The following CDH22 variants were observed in gnomAD, a reference collection of about 807,000 sequenced individuals.
The protein encoded by CDH22 is cadherin-22.
CDH22 carries 30 observed loss-of-function variants against 58.4 expected under a neutral mutation model. That is an observed-to-expected ratio of 0.51 (90% confidence interval 0.38 to 0.70). The LOEUF is 0.70. CDH22 is among the 30% of genes least tolerant of loss of function. The probability of loss-of-function intolerance (pLI) is 0.00; values close to 1 mark genes in which losing one functional copy is unlikely to be tolerated. For synonymous variants in CDH22, 513 were observed against 558.2 expected, an observed-to-expected ratio of 0.92 and a Z score of 1.14; for missense variants, 1,014 against 1,233.9, an observed-to-expected ratio of 0.82 and a Z score of 2.67.
chr20:46,227,531 T>C lies in CDH22; in HGVS notation c.647A>G (p.His216Arg), dbSNP rs1352390706. ...LVYSVLDGEH[H>R]FTVDPKTGVI... ...ACCGGTCTTGGGGTCCACGGTGAAGTGGTGCTCGCCGTCCAGCACGCTGTA... is the reference window on the plus strand; with the variant it reads ...ACCGGTCTTGGGGTCCACGGTGAAGCGGTGCTCGCCGTCCAGCACGCTGTA... The change falls in exon 4 of 12, where the codon CAC becomes CGC. Residue 216 changes from histidine to arginine, a missense_variant. This residue lies in a region of CDH22 where 806 missense variants were observed against 1,038.7 expected (regional missense o/e 0.78). Coordinates refer to ENST00000537909, the MANE Select transcript of CDH22 (RefSeq NM_021248.3). The C allele has an allele frequency of 1.2e-6, 2 of 1,601,212 alleles. No homozygotes were observed. The highest frequency in any genetic ancestry group is 1.1e-5 in the South Asian group (1 of 90,254).
At chr20:46,191,536 A>G (rs2085862039) in intron 8 of CDH22, among the ~76,000 whole-genome samples, 1 of 152,144 alleles carries the variant, frequency 6.6e-6, no homozygotes, top group Non-Finnish European at 1.5e-5. Context: ...ACAAACACAC[A>G]TTAAGTACAT....
intron 1 of CDH22, among the ~76,000 whole-genome samples, chr20:46,265,050 C>T (rs949406949): frequency 2.0e-5 from 3 of 152,034 alleles, no homozygotes; most frequent in Admixed American, 1.3e-4. Flanking sequence ...GCCCGTGTGC[C>T]GGTGCCACCG....
intron 4 of CDH22, among the ~76,000 whole-genome samples, chr20:46,225,451 G>A (rs1193217753): frequency 6.6e-6 from 1 of 152,132 alleles, no homozygotes; most frequent in Non-Finnish European, 1.5e-5. Flanking sequence ...AAAAAGGCAA[G>A]CCGTGTGTAT....
chr20:46,191,693 G>A (rs1015319881), intron 8 of CDH22, among the ~76,000 whole-genome samples: 1 of 152,164 alleles, frequency 6.6e-6, no homozygotes, highest in Non-Finnish European at 1.5e-5. Flanking sequence ...GCTGGGACTC[G>A]AACCTGGGTC....
intron 8 of CDH22, among the ~76,000 whole-genome samples, chr20:46,188,446 G>C (rs765323313): frequency 6.6e-6 from 1 of 152,156 alleles, no homozygotes; most frequent in Non-Finnish European, 1.5e-5. Context: ...GCATGTGAGA[G>C]TTATTTATAT....
At chr20:46,195,362 A>G (rs2085891653) in intron 8 of CDH22, among the ~76,000 whole-genome samples, 1 of 152,214 alleles carries the variant, frequency 6.6e-6, no homozygotes, top group Non-Finnish European at 1.5e-5. Context: ...GAATACTCAC[A>G]CAGACCCATC....
At chr20:46,250,914 G>C (rs918016420) in intron 2 of CDH22, 126 bp downstream of exon 2, 3 of 625,222 alleles carry the variant, frequency 4.8e-6, no homozygotes, top group Non-Finnish European at 8.5e-6. Context: ...TCAGTCCTTG[G>C]CTAGGGAGCA....
chr20:46,259,659 C>CTG (rs1435252264), intron 1 of CDH22, among the ~76,000 whole-genome samples: 2 of 152,142 alleles, frequency 1.3e-5, no homozygotes, highest in Non-Finnish European at 2.9e-5. Flanking sequence ...GGAGGGCTGC[C>CTG]TGGAGGAGGG....
chr20:46,199,672 A>G, intron 7 of CDH22, 113 bp from the exon 8 acceptor site: 1 of 1,318,106 alleles, frequency 7.6e-7, no homozygotes, highest in Non-Finnish European at 1.0e-6. Flanking sequence ...GACACACACA[A>G]GGGGCAGAGA....
At chr20:46,184,422 C>T (rs1007865662) in intron 10 of CDH22, among the ~76,000 whole-genome samples, 3 of 152,144 alleles carry the variant, frequency 2.0e-5, no homozygotes, top group Non-Finnish European at 4.4e-5. Context: ...TTTCATTGAA[C>T]ACATTTTATC....
At chr20:46,299,161 T>A (rs2086640521) in intron 1 of CDH22, among the ~76,000 whole-genome samples, 1 of 152,200 alleles carries the variant, frequency 6.6e-6, no homozygotes, top group Non-Finnish European at 1.5e-5. Flanking sequence ...GTCCTCTCTG[T>A]CTTTCCTCCC....
chr20:46,241,057 C>T lies in CDH22; in HGVS notation c.456G>A (p.Ser152=), dbSNP rs371329868. The change falls in exon 3 of 12, where the codon TCG becomes TCA. Residue 152 remains serine, a synonymous_variant. Transcript: ENST00000537909. The surrounding 1 kb of genome is among the most constrained non-coding windows in gnomAD (Gnocchi z 5.2). ...TGTCCTGCACCTTGATGATGAACTC[C>T]GACTCGGGCTCCAGTAGGCGGTTGG... ...RATNRLLEPE[S]EFIIKVQDIN... The T allele has an allele frequency of 5.6e-5, 90 of 1,614,056 alleles. 1 individual carries two copies. The highest frequency in any genetic ancestry group is 7.0e-5 in the Non-Finnish European group (83 of 1,180,042).
chr20:46,272,661 A>C (rs916397037), intron 1 of CDH22, among the ~76,000 whole-genome samples: 1 of 152,220 alleles, frequency 6.6e-6, no homozygotes, highest in Non-Finnish European at 1.5e-5. Flanking sequence ...GCTGTTGAGA[A>C]GCAAAGTAAA....
At chr20:46,266,413 T>G (rs955431919) in intron 1 of CDH22, among the ~76,000 whole-genome samples, 2 of 152,160 alleles carry the variant, frequency 1.3e-5, no homozygotes, top group Non-Finnish European at 2.9e-5. Context: ...GTGCCTAGCA[T>G]TGTGTCTCAC....
intron 1 of CDH22, among the ~76,000 whole-genome samples, chr20:46,303,978 G>A (rs1001432957): frequency 2.6e-5 from 4 of 152,138 alleles, no homozygotes; most frequent in Admixed American, 1.3e-4. Flanking sequence ...GAACCAGTGA[G>A]GTCTGAGCTG....
rs1339968539 is a variant in CDH22 at position 46,308,124 on chromosome 20, C to T, written c.-400+131G>A. ...CCGGGCGCAGGCACCCCGGCTCCTC[C>T]TGCGGCTGGAGGCTCGCCCCCCGCG... On this transcript the variant is annotated intron_variant, in intron 1 of 11. Coordinates refer to ENST00000537909, the MANE Select transcript of CDH22 (RefSeq NM_021248.3). This position sits in a 1 kb window ranked among gnomAD's most constrained non-coding sequence, Gnocchi z 4.3. 1 of 151,186 alleles carries T rather than the reference C, an allele frequency of 6.6e-6. No individual in the cohort carries two copies. The highest frequency in any genetic ancestry group is 1.5e-5 in the Non-Finnish European group (1 of 67,688). The allele number at this position is 151,186 out of a possible 1,614,324, so 9.4% of individuals were successfully genotyped here. A position where few individuals can be genotyped will look rare whatever the true frequency, so the allele number is the denominator to read the frequency against.
chr20:46,262,697 C>A (rs1600720409), intron 1 of CDH22, among the ~76,000 whole-genome samples: 2 of 152,296 alleles, frequency 1.3e-5, no homozygotes, highest in Non-Finnish European at 2.9e-5. Flanking sequence ...GGTCACACAA[C>A]TGATATGTTG....
intron 1 of CDH22, among the ~76,000 whole-genome samples, chr20:46,297,796 GGTT>G (rs200940782): frequency 0.018 from 2,715 of 152,024 alleles, 34 homozygotes; most frequent in Middle Eastern, 0.044. Flanking sequence ...CTTCCTCCAA[GGTT>G]GTTTTGGGGA....
At chr20:46,272,422 A>G (rs1261347332) in intron 1 of CDH22, among the ~76,000 whole-genome samples, 2 of 152,220 alleles carry the variant, frequency 1.3e-5, no homozygotes, top group Non-Finnish European at 2.9e-5. Flanking sequence ...ATAAATCTGT[A>G]ATTCATCAGC....
Sources: allele counts gnomAD v4.1 joint callset (sites outside exome capture counted in the v4.1 genomes callset), GRCh38; gene constraint gnomAD v4.1.1; regional missense constraint gnomAD v4.1.1; non-coding constraint Gnocchi (gnomAD v3.1); transcripts MANE v1.5; gene names NCBI Gene and HGNC (gene_info 2026-07-23, HGNC 2026-07-21).